The following FBXO34 variants were observed in gnomAD, a reference collection of about 807,000 sequenced individuals.
FBXO34 encodes F-box only protein 34.
In FBXO34, 12 loss-of-function variants were observed where a neutral mutation model predicts 24.5. That is an observed-to-expected ratio of 0.49 (90% CI 0.31 to 0.79). The LOEUF is 0.79. Ranked by LOEUF, FBXO34 falls within the 30% of genes least tolerant of loss-of-function variation. FBXO34 has a pLI of 0.04. For synonymous variants in FBXO34, 320 were observed against 311.9 expected (o/e 1.03, Z -0.27); for missense variants, 823 against 857.7 (o/e 0.96, Z 0.51).
At chr14:55,382,063 G>T in the FBXO34 span, 1 of 1,614,146 alleles carries the variant, frequency 6.2e-7, no homozygotes. Context: ...GCTAATGCTG[G>T]TGTCTCCGTT....
intron 1 of FBXO34, among the ~76,000 whole-genome samples, chr14:55,283,964 GTGTGTGTGTGTC>G (rs1173916588): frequency 4.8e-5 from 7 of 147,198 alleles, no homozygotes; most frequent in African/African-American, 1.4e-4. Flanking sequence ...GTGTGTGTGT[GTGTGTGTGTGTC>G]TGTGTGTGTG....
At chr14:55,393,217 T>TA in the FBXO34 span, among the ~76,000 whole-genome samples, 5 of 151,616 alleles carry the variant, frequency 3.3e-5, no homozygotes, top group South Asian at 2.1e-4. Flanking sequence ...CCGTCTCTAC[T>TA]AAAAAAACAC....
At position 55,271,459 on chromosome 14, in the gene FBXO34, C is replaced by CCCGCCACCGCTGCTG. The variant is rs1172776103; in HGVS notation, c.-80_-66dup. 6.6e-6 allele frequency: 1 copy of CCCGCCACCGCTGCTG among 152,004 alleles called. No individual in the cohort carries two copies. Among genetic ancestry groups the CCCGCCACCGCTGCTG allele is most frequent in the Non-Finnish European group, 1.5e-5 (1 of 68,044 alleles). The allele number at this position is 152,004 out of a possible 1,614,324, so 9.4% of individuals were successfully genotyped here. A position where few individuals can be genotyped will look rare whatever the true frequency, so the allele number is the denominator to read the frequency against. ...CAGCGGTGGGGAGTGAGCCAGGCCT[C>CCCGCCACCGCTGCTG]CCGCCACCGCTGCTGCCGCCACCAC... On this transcript the variant is annotated 5_prime_UTR_variant, in exon 1 of 2. Transcript: ENST00000313833.
intron 1 of FBXO34, among the ~76,000 whole-genome samples, chr14:55,305,754 T>A (rs1246820991): frequency 2.6e-5 from 4 of 152,184 alleles, no homozygotes; most frequent in Non-Finnish European, 5.9e-5. Context: ...TTATAAAAAT[T>A]TTTACTGAAT....
At chr14:55,425,296 T>C in the FBXO34 span, among the ~76,000 whole-genome samples, 2 of 152,176 alleles carry the variant, frequency 1.3e-5, no homozygotes, top group African/African-American at 2.4e-5. Context: ...GGGGAGACCA[T>C]GACACTAGGG....
chr14:55,273,648 T>C (rs1456449988), intron 1 of FBXO34, among the ~76,000 whole-genome samples: 1 of 152,180 alleles, frequency 6.6e-6, no homozygotes, highest in Non-Finnish European at 1.5e-5. Context: ...ACTGCTGATA[T>C]TGAGAGTGTT....
downstream of FBXO34, among the ~76,000 whole-genome samples, chr14:55,364,955 C>T (rs1440364393): frequency 1.1e-4 from 16 of 150,666 alleles, no homozygotes; most frequent in South Asian, 2.1e-4. Flanking sequence ...CAGTGGCTCA[C>T]GCCCGTAATC....
chr14:55,442,041 G>A, the FBXO34 span, among the ~76,000 whole-genome samples: 1 of 151,764 alleles, frequency 6.6e-6, no homozygotes, highest in African/African-American at 2.4e-5. Context: ...GGAATGACAG[G>A]CACGAGCCAC....
At chr14:55,293,022 A>G (rs1365825225) in intron 1 of FBXO34, among the ~76,000 whole-genome samples, 1 of 152,152 alleles carries the variant, frequency 6.6e-6, no homozygotes, top group East Asian at 1.9e-4. Context: ...AGCTGGGATT[A>G]CAGGCGTGTG....
intron 1 of FBXO34, among the ~76,000 whole-genome samples, chr14:55,315,610 G>T (rs10138838): frequency 6.6e-6 from 1 of 152,180 alleles, no homozygotes; most frequent in African/African-American, 2.4e-5. Context: ...ACTCTTAATC[G>T]ATTGTATGGT....
intron 1 of FBXO34, among the ~76,000 whole-genome samples, chr14:55,332,867 T>G (rs1357865007): frequency 6.6e-6 from 1 of 152,176 alleles, no homozygotes. Flanking sequence ...AGGCACTGTT[T>G]GTGGTGACAT....
chr14:55,378,200 C>G, the FBXO34 span: 1 of 710,220 alleles, frequency 1.4e-6, no homozygotes, highest in Non-Finnish European at 2.4e-6. Context: ...GTAAATTGCA[C>G]TTAAAGACTT....
the FBXO34 span, chr14:55,394,934 G>C: frequency 2.6e-6 from 1 of 385,270 alleles, no homozygotes. Context: ...AACAACCAGA[G>C]AATGATTTCA....
rs535736821 is a variant in FBXO34, at chr14:55,313,229, T to C, written c.-10-37152T>C. ...TAAGGTAGGGGCAAAATGTTACCAG[T>C]TTCTTTGCTAAAACATACTGAGAGT... On this transcript the variant is annotated intron_variant, in intron 1 of 1. Coordinates refer to ENST00000313833, the MANE Select transcript of FBXO34 (RefSeq NM_017943.4). Among the ~76,000 whole-genome samples, 4 of 151,600 alleles carry C rather than the reference T, an allele frequency of 2.6e-5. No individual in the cohort carries two copies. The East Asian group carries it at 7.7e-4, about 29-fold the overall frequency.
chr14:55,280,985 GAA>G (rs1308839736), intron 1 of FBXO34, among the ~76,000 whole-genome samples: 1 of 151,952 alleles, frequency 6.6e-6, no homozygotes, highest in African/African-American at 2.4e-5. Context: ...AGAAACAGGT[GAA>G]AAATATTTAA....
At chr14:55,421,937 G>A in the FBXO34 span, among the ~76,000 whole-genome samples, 1 of 152,104 alleles carries the variant, frequency 6.6e-6, no homozygotes, top group Non-Finnish European at 1.5e-5. Context: ...TTTAGATGAG[G>A]CAAGATTTTA....
intron 1 of FBXO34, among the ~76,000 whole-genome samples, chr14:55,287,405 TCTTATA>T (rs891004479): frequency 1.3e-5 from 2 of 152,232 alleles, no homozygotes; most frequent in Non-Finnish European, 2.9e-5. Context: ...GCAGTCATTT[TCTTATA>T]CTTATTCACA....
chr14:55,327,878 C>G (rs1234901890), intron 1 of FBXO34, among the ~76,000 whole-genome samples: 1 of 146,508 alleles, frequency 6.8e-6, no homozygotes, highest in East Asian at 2.0e-4. Context: ...TCTTAGCAAC[C>G]TCGTCATATG....
chr14:55,369,761 A>G, downstream of FBXO34: 2 of 1,614,164 alleles, frequency 1.2e-6, no homozygotes, highest in Non-Finnish European at 1.7e-6. Context: ...CTGGGAAGGG[A>G]TATCACAAAA....
Sources: gnomAD v4.1 joint callset for allele counts (sites outside exome capture counted in the v4.1 genomes callset) on GRCh38, gnomAD v4.1.1 for gene constraint, MANE v1.5 for transcripts, NCBI Gene and HGNC (gene_info 2026-07-23, HGNC 2026-07-21) for gene names.